CPAMD8: variants seen among roughly 807,000 people sequenced by gnomAD.
The protein encoded by CPAMD8 is C3 and PZP like alpha-2-macroglobulin domain containing 8, also known as C3 and PZP-like alpha-2-macroglobulin domain-containing protein 8.
A neutral mutation model predicts 224.7 loss-of-function variants in CPAMD8; 146 were observed. The ratio of observed to expected loss-of-function variants is 0.65; its 90% CI spans 0.57 to 0.75. The LOEUF (loss-of-function observed/expected upper bound fraction) is 0.75, where lower values mean the gene tolerates loss of function less well. CPAMD8 is among the 30% of genes least tolerant of loss of function. CPAMD8 has a pLI of 0.00. For synonymous variants in CPAMD8, 966 were observed against 1,044.6 expected (o/e 0.92, Z 1.45); for missense variants, 2,301 against 2,537.5 (o/e 0.91, Z 2.00).
At chr19:16,940,967 G>A (rs10418979) in intron 22 of CPAMD8, among the ~76,000 whole-genome samples, 7,283 of 152,292 alleles carry the variant, frequency 0.048, 373 homozygotes, top group African/African-American at 0.13. Flanking sequence ...ATCTCGCTCT[G>A]TCGCCCAGGC....
chr19:16,961,796 C>A (rs2054667147), intron 18 of CPAMD8, among the ~76,000 whole-genome samples: 3 of 152,162 alleles, frequency 2.0e-5, no homozygotes, highest in Admixed American at 2.0e-4. Context: ...AGGCGGGTAC[C>A]CCTCTGAGAC....
intron 18 of CPAMD8, among the ~76,000 whole-genome samples, chr19:16,959,600 G>A (rs1038020671): frequency 6.6e-6 from 1 of 151,646 alleles, no homozygotes; most frequent in African/African-American, 2.4e-5. Context: ...GAGTGCAATG[G>A]CACAATCTCG....
At chr19:17,000,378 T>A in intron 10 of CPAMD8, 36 bp downstream of exon 10, 1 of 797,920 alleles carries the variant, frequency 1.3e-6, no homozygotes, top group Admixed American at 1.8e-5. Flanking sequence ...AACCTGGGGG[T>A]TGGGTCAGGG....
At chr19:16,991,864 A>AC (rs1374617079) in intron 12 of CPAMD8, among the ~76,000 whole-genome samples, 11 of 151,702 alleles carry the variant, frequency 7.3e-5, no homozygotes, top group Admixed American at 3.9e-4. Flanking sequence ...CAAAAAAAAA[A>AC]AACAACAGAA....
At chr19:16,940,217 G>C (rs1271570617) in intron 22 of CPAMD8, among the ~76,000 whole-genome samples, 1 of 152,006 alleles carries the variant, frequency 6.6e-6, no homozygotes, top group Non-Finnish European at 1.5e-5. Flanking sequence ...CGGCCTCCTG[G>C]GTCTCTATCT....
chr19:17,019,989 G>A (rs1454416051), intron 3 of CPAMD8, among the ~76,000 whole-genome samples: 19 of 25,258 alleles, frequency 7.5e-4, no homozygotes, highest in Non-Finnish European at 1.4e-3. Context: ...TTTTTTTTTT[G>A]GTGAGACGGA....
chr19:16,907,822 G>C (rs943993027), intron 29 of CPAMD8: 1 of 152,212 alleles, frequency 6.6e-6, no homozygotes, highest in African/African-American at 2.4e-5. Context: ...GCCCAGGCTG[G>C]TCACACATTC....
At chr19:16,989,922 T>C (rs1425080764) in intron 12 of CPAMD8, 151 bp from the exon 13 acceptor site, 30 of 732,782 alleles carry the variant, frequency 4.1e-5, no homozygotes, top group Non-Finnish European at 3.5e-5. Context: ...CAGGGAGTAA[T>C]AGCCAGTTGT....
Position 16,960,337 on chromosome 19 carries a change from A to C in CPAMD8, c.2214-2422T>G, listed in dbSNP as rs73016331. Among the ~76,000 whole-genome samples the C allele has an allele frequency of 6.0e-3, 911 of 152,324 alleles. 5 individuals carry two copies. Among genetic ancestry groups the C allele is most frequent in the Non-Finnish European group, 1.0e-2 (677 of 68,028 alleles). Reference sequence around the variant, plus strand: ...CGCAGACGTGTGTGCAAACACAGAGAGATGGAGTGGTTCATCGTGGCACTA... The same window carrying C: ...CGCAGACGTGTGTGCAAACACAGAGCGATGGAGTGGTTCATCGTGGCACTA... On this transcript the variant is annotated intron_variant, in intron 18 of 41. Coordinates refer to ENST00000443236, the MANE Select transcript of CPAMD8 (RefSeq NM_015692.5).
chr19:17,020,395 G>A (rs1386211557), intron 2 of CPAMD8, 42 bp from the exon 3 acceptor site: 1 of 1,433,424 alleles, frequency 7.0e-7, no homozygotes, highest in Non-Finnish European at 9.8e-7. Context: ...ATCAAGAGCT[G>A]TGTTGCCCTG....
chr19:16,996,974 C>T, intron 11 of CPAMD8, 137 bp downstream of exon 11: 2 of 651,862 alleles, frequency 3.1e-6, no homozygotes, highest in South Asian at 1.8e-5. Flanking sequence ...CCTGGAACAC[C>T]AGCCCTCTCC....
chr19:16,979,263 C>T (rs2055402938), intron 14 of CPAMD8, among the ~76,000 whole-genome samples: 1 of 149,782 alleles, frequency 6.7e-6, no homozygotes, highest in South Asian at 2.1e-4. Flanking sequence ...ATCCACCCAC[C>T]CATTAGCCAT....
intron 36 of CPAMD8, among the ~76,000 whole-genome samples, chr19:16,900,190 G>A (rs2052196994): frequency 6.6e-6 from 1 of 152,122 alleles, no homozygotes; most frequent in Non-Finnish European, 1.5e-5. Flanking sequence ...CTGTCTTAGG[G>A]TTGTGAGGGT....
chr19:17,020,387 C>A, intron 2 of CPAMD8, 34 bp from the exon 3 acceptor site: 1 of 1,526,554 alleles, frequency 6.6e-7, no homozygotes, highest in African/African-American at 1.4e-5. Context: ...AAAGTTAAAT[C>A]AAGAGCTGTG....
intron 13 of CPAMD8, among the ~76,000 whole-genome samples, chr19:16,982,682 A>T (rs904325048): frequency 1.3e-5 from 2 of 151,758 alleles, no homozygotes; most frequent in African/African-American, 4.8e-5. Context: ...AAAAAATAAT[A>T]AAAAAAATAG....
chr19:17,020,297 G>C, intron 3 of CPAMD8, 34 bp downstream of exon 3: 2 of 1,517,274 alleles, frequency 1.3e-6, no homozygotes, highest in Non-Finnish European at 1.8e-6. Flanking sequence ...TATTTCCAAG[G>C]TCAGGTTTAT....
intron 20 of CPAMD8, among the ~76,000 whole-genome samples, chr19:16,948,895 A>T (rs1316717877): frequency 1.2e-5 from 1 of 83,774 alleles, no homozygotes; most frequent in African/African-American, 4.9e-5. Context: ...AGGGAAGGGA[A>T]GGGAAGGGAA....
intron 17 of CPAMD8, among the ~76,000 whole-genome samples, chr19:16,973,085 C>T (rs2055122754): frequency 6.6e-6 from 1 of 151,988 alleles, no homozygotes; most frequent in Non-Finnish European, 1.5e-5. Flanking sequence ...AGGAGGATCG[C>T]TTGAGCCCAG....
At chr19:16,905,620 G>A (rs927887159) in intron 30 of CPAMD8, among the ~76,000 whole-genome samples, 7 of 149,392 alleles carry the variant, frequency 4.7e-5, no homozygotes, top group African/African-American at 1.7e-4. Flanking sequence ...GCTCGCATGA[G>A]GTGTAAAGAC....
Sources: gnomAD v4.1 joint callset for allele counts (sites outside exome capture counted in the v4.1 genomes callset) on GRCh38, gnomAD v4.1.1 for gene constraint, MANE v1.5 for transcripts, NCBI Gene and HGNC (gene_info 2026-07-23, HGNC 2026-07-21) for gene names.